Variants in SLC9A9 observed in about 807,000 individuals in gnomAD.
The protein encoded by SLC9A9 is solute carrier family 9 member A9.
In SLC9A9, 62 loss-of-function variants were observed where a neutral mutation model predicts 77.8. The ratio of observed to expected loss-of-function variants is 0.80; its 90% CI spans 0.65 to 0.98. SLC9A9 has a LOEUF of 0.98. Among genes scored for constraint, SLC9A9 ranks in the 50% least tolerant of loss-of-function variants. The pLI is 0.00. For missense variants in SLC9A9, 775 were observed against 774.9 expected (o/e 1.00, Z 0.00); for synonymous variants, 320 against 283.5 (o/e 1.13, Z -1.29).
chr3:143,314,463 C>T (rs1038699970), intron 14 of SLC9A9: 1 of 152,202 alleles, frequency 6.6e-6, no homozygotes, highest in African/African-American at 2.4e-5. Flanking sequence ...TTTTCTAGGG[C>T]TTGAAAGGGG....
chr3:143,298,095 G>C (rs1446972299), intron 14 of SLC9A9, among the ~76,000 whole-genome samples: 2 of 152,224 alleles, frequency 1.3e-5, no homozygotes, highest in African/African-American at 2.4e-5. Context: ...AATGAGAAAG[G>C]CTAAGACAAG....
intron 5 of SLC9A9, among the ~76,000 whole-genome samples, chr3:143,665,172 T>C (rs2039044034): frequency 6.6e-6 from 1 of 152,172 alleles, no homozygotes; most frequent in Non-Finnish European, 1.5e-5. Context: ...GAACTCAGGA[T>C]TAAGAAACTC....
Position 143,641,385 on chromosome 3 carries a change from C to CTTTTTTTTTT in SLC9A9, c.755+10860_755+10869dup, listed in dbSNP as rs529425639. On this transcript the variant is annotated intron_variant, in intron 6 of 15. Coordinates refer to ENST00000316549, the MANE Select transcript of SLC9A9 (RefSeq NM_173653.4). ...AAAAAGAATTATCTGTTGTCACAGT[C>CTTTTTTTTTT]TTTTTTTTTTTTTTTTTTTTTTTTG... is the stretch of plus-strand genomic sequence containing the variant. Among the ~76,000 whole-genome samples, 43 of 78,830 alleles carry CTTTTTTTTTT rather than the reference C, an allele frequency of 5.5e-4. 6 individuals are homozygous for CTTTTTTTTTT. Among genetic ancestry groups the CTTTTTTTTTT allele is most frequent in the Non-Finnish European group, 9.0e-4 (38 of 42,114 alleles). The allele number at this position is 78,830 out of a possible 152,430, so 51.7% of individuals were successfully genotyped here. A position where few individuals can be genotyped will look rare whatever the true frequency, so the allele number is the denominator to read the frequency against.
At chr3:143,303,272 T>C (rs1244103757) in intron 14 of SLC9A9, among the ~76,000 whole-genome samples, 1 of 152,070 alleles carries the variant, frequency 6.6e-6, no homozygotes, top group East Asian at 1.9e-4. Context: ...TGTAGAGGAG[T>C]GTTCAGGGAA....
intron 7 of SLC9A9, among the ~76,000 whole-genome samples, chr3:143,576,790 C>T (rs997711984): frequency 2.0e-5 from 3 of 152,160 alleles, no homozygotes; most frequent in Non-Finnish European, 4.4e-5. Flanking sequence ...ATGGAAAACA[C>T]GTCGTAGGCA....
intron 11 of SLC9A9, among the ~76,000 whole-genome samples, chr3:143,468,696 T>A (rs537411078): frequency 6.6e-6 from 1 of 152,200 alleles, no homozygotes; most frequent in Non-Finnish European, 1.5e-5. Flanking sequence ...CCACTGAAAA[T>A]TAAATAATTA....
intron 6 of SLC9A9, among the ~76,000 whole-genome samples, chr3:143,612,169 A>T (rs1048480691): frequency 6.6e-6 from 1 of 152,202 alleles, no homozygotes; most frequent in Non-Finnish European, 1.5e-5. Flanking sequence ...CGTTGACCCT[A>T]TTCACCTGCA....
rs2035290863 is a variant in SLC9A9, at chr3:143,467,032, C to T, written c.1469+5G>A. 6.2e-7 allele frequency: 1 copy of T among 1,613,254 alleles called. No homozygotes were observed. The highest frequency in any genetic ancestry group is 8.5e-7 in the Non-Finnish European group (1 of 1,179,736). On this transcript the variant is annotated splice_donor_5th_base_variant and intron_variant, in intron 12 of 15. Coordinates refer to ENST00000316549, the MANE Select transcript of SLC9A9 (RefSeq NM_173653.4). ...TGATTTCCTTTGCTAGACGGTGTCA[C>T]TCACCTGATCTGAAGCCAAGTCAAC...
intron 14 of SLC9A9, among the ~76,000 whole-genome samples, chr3:143,307,987 A>C (rs1290022912): frequency 6.6e-6 from 1 of 152,184 alleles, no homozygotes; most frequent in Non-Finnish European, 1.5e-5. Context: ...CTACTTTGCC[A>C]TGTGACCCAT....
At chr3:143,530,735 G>T (rs779655378) in intron 9 of SLC9A9, among the ~76,000 whole-genome samples, 2 of 152,122 alleles carry the variant, frequency 1.3e-5, no homozygotes, top group African/African-American at 2.4e-5. Context: ...GACAAAATCA[G>T]ACAACTGATA....
intron 14 of SLC9A9, among the ~76,000 whole-genome samples, chr3:143,303,284 G>A (rs2030615725): frequency 6.6e-6 from 1 of 152,192 alleles, no homozygotes; most frequent in Admixed American, 6.5e-5. Flanking sequence ...TTCAGGGAAA[G>A]TTTCAAATAG....
intron 9 of SLC9A9, among the ~76,000 whole-genome samples, chr3:143,537,380 G>C (rs1023804920): frequency 1.3e-5 from 2 of 152,286 alleles, no homozygotes; most frequent in East Asian, 3.9e-4. Flanking sequence ...GCCTGGAGCT[G>C]CCCATCCCTC....
chr3:143,308,753 G>A (rs1167659170), intron 14 of SLC9A9, among the ~76,000 whole-genome samples: 1 of 152,136 alleles, frequency 6.6e-6, no homozygotes, highest in Non-Finnish European at 1.5e-5. Flanking sequence ...ATCATCAATA[G>A]CACTGAGCAC....
At chr3:143,430,797 T>C (rs1166714566) in intron 12 of SLC9A9, among the ~76,000 whole-genome samples, 2 of 152,206 alleles carry the variant, frequency 1.3e-5, no homozygotes, top group African/African-American at 4.8e-5. Context: ...CCAGTTGGGC[T>C]AGGCAGACTC....
chr3:143,666,989 T>C (rs1483848520), intron 5 of SLC9A9, among the ~76,000 whole-genome samples: 1 of 152,110 alleles, frequency 6.6e-6, no homozygotes. Context: ...TACTTTAAAG[T>C]TCATATGGAA....
rs116966121 is a variant in SLC9A9 at position 143,828,582 on chromosome 3, C to G, written c.378+3437G>C. Among the ~76,000 whole-genome samples, 691 of 149,882 alleles carry G rather than the reference C, an allele frequency of 4.6e-3. 5 individuals are homozygous for G. The highest frequency in any genetic ancestry group is 0.029 in the South Asian group (137 of 4,734). ...CTACCCCAACACACACACACACACA[C>G]AGAGAGAGAGAGAGAGAAGAGAAGG... On this transcript the variant is annotated intron_variant, in intron 2 of 15. Transcript: ENST00000316549.
At chr3:143,424,749 T>C (rs2034372371) in intron 12 of SLC9A9, among the ~76,000 whole-genome samples, 1 of 152,146 alleles carries the variant, frequency 6.6e-6, no homozygotes, top group African/African-American at 2.4e-5. Context: ...CAAGAAAGAA[T>C]ACAGATGCTG....
At chr3:143,317,449 A>G (rs2031253918) in intron 14 of SLC9A9, among the ~76,000 whole-genome samples, 1 of 152,142 alleles carries the variant, frequency 6.6e-6, no homozygotes, top group Non-Finnish European at 1.5e-5. Context: ...AGATTAAAAT[A>G]CTTTCCTTAG....
intron 13 of SLC9A9, among the ~76,000 whole-genome samples, chr3:143,378,806 T>G (rs1176047125): frequency 6.6e-6 from 1 of 152,212 alleles, no homozygotes; most frequent in Non-Finnish European, 1.5e-5. Context: ...GCATGAAGTA[T>G]GCATCCAGAG....
Sources: gnomAD v4.1 joint callset for allele counts (sites outside exome capture counted in the v4.1 genomes callset) on GRCh38, gnomAD v4.1.1 for gene constraint, MANE v1.5 for transcripts, NCBI Gene and HGNC (gene_info 2026-07-23, HGNC 2026-07-21) for gene names.